The following EHBP1 variants were observed in gnomAD, a reference collection of about 807,000 sequenced individuals.
EHBP1 encodes the protein EH domain-binding protein 1.
EHBP1 carries 55 observed loss-of-function variants against 144.0 expected under a neutral mutation model. That is an observed-to-expected ratio of 0.38 (90% CI 0.31 to 0.48). The LOEUF (loss-of-function observed/expected upper bound fraction) is 0.48, where lower values mean the gene tolerates loss of function less well. Ranked by LOEUF, EHBP1 falls within the 20% of genes least tolerant of loss-of-function variation. The pLI is 0.98. For missense variants in EHBP1, 1,200 were observed against 1,364.2 expected, an observed-to-expected ratio of 0.88 and a Z score of 1.90; for synonymous variants, 469 against 472.7, an observed-to-expected ratio of 0.99 and a Z score of 0.10.
chr2:62,754,966 C>T (rs977064630), intron 3 of EHBP1, among the ~76,000 whole-genome samples: 2 of 152,324 alleles, frequency 1.3e-5, no homozygotes, highest in Non-Finnish European at 2.9e-5. Flanking sequence ...CCTGCTTCGG[C>T]TCATGCTCGA....
intron 3 of EHBP1, among the ~76,000 whole-genome samples, chr2:62,757,189 G>A (rs1052568255): frequency 6.6e-6 from 1 of 152,054 alleles, no homozygotes; most frequent in African/African-American, 2.4e-5. Context: ...GAGTGCAGTG[G>A]TATGATCACA....
At chr2:62,830,881 C>T in intron 6 of EHBP1, 138 bp from the exon 7 acceptor site, 2 of 792,938 alleles carry the variant, frequency 2.5e-6, no homozygotes, top group Non-Finnish European at 3.8e-6. Flanking sequence ...TTAGATTTTT[C>T]AATATTCTTG....
intron 2 of EHBP1, among the ~76,000 whole-genome samples, chr2:62,729,298 T>TTTTATAATATAATATAATA (rs1283481942): frequency 9.8e-5 from 13 of 132,692 alleles, no homozygotes; most frequent in African/African-American, 3.4e-4. Flanking sequence ...ACATATAATA[T>TTTTATAATATAATATAATA]TTTATAATAT....
Position 62,771,326 on chromosome 2 carries a change from G to A in EHBP1, c.259-13G>A. 6.3e-7 allele frequency: 1 copy of A among 1,584,660 alleles called. No homozygotes were observed. Among genetic ancestry groups the A allele is most frequent in the Non-Finnish European group, 8.6e-7 (1 of 1,163,554 alleles). The stretch of plus-strand genomic sequence containing the variant: ...GTATTTCAATTCCATTTCATATTTT[G>A]CTTTTGTTACAGGATCCTCATGCGG... On this transcript the variant is annotated splice_polypyrimidine_tract_variant and intron_variant, in intron 4 of 22. Transcript: ENST00000431489.
At chr2:62,729,330 TATA>T (rs1349777703) in intron 2 of EHBP1, among the ~76,000 whole-genome samples, 18 of 125,254 alleles carry the variant, frequency 1.4e-4, no homozygotes, top group East Asian at 4.1e-4. Flanking sequence ...TATAATATAA[TATA>T]ATATATATAA....
chr2:62,777,655 A>G (rs2042139581), intron 5 of EHBP1, among the ~76,000 whole-genome samples: 1 of 152,296 alleles, frequency 6.6e-6, no homozygotes, highest in Admixed American at 6.5e-5. Context: ...CTTTAAACCA[A>G]TGATAACTTA....
intron 2 of EHBP1, among the ~76,000 whole-genome samples, chr2:62,735,831 A>G (rs927957769): frequency 5.3e-5 from 8 of 152,150 alleles, no homozygotes; most frequent in African/African-American, 4.8e-5. Context: ...TCTCAACACT[A>G]AAGATTTTAC....
At chr2:62,831,824 G>T (rs1210590878) in intron 7 of EHBP1, among the ~76,000 whole-genome samples, 1 of 152,082 alleles carries the variant, frequency 6.6e-6, no homozygotes, top group Non-Finnish European at 1.5e-5. Flanking sequence ...CTGAATTGAT[G>T]TCCCTTCACT....
chr2:62,846,777 A>G (rs1035331350), intron 7 of EHBP1, among the ~76,000 whole-genome samples: 3 of 152,210 alleles, frequency 2.0e-5, no homozygotes, highest in Admixed American at 6.5e-5. Flanking sequence ...TTGACATAAG[A>G]TGTGAAAAAC....
intron 2 of EHBP1, among the ~76,000 whole-genome samples, chr2:62,719,735 A>G (rs1417271075): frequency 6.6e-6 from 1 of 152,230 alleles, no homozygotes; most frequent in East Asian, 1.9e-4. Context: ...TTTACATTGT[A>G]TTAGATATTA....
intron 12 of EHBP1, among the ~76,000 whole-genome samples, chr2:62,947,924 T>C (rs985514341): frequency 6.6e-6 from 1 of 152,236 alleles, no homozygotes; most frequent in African/African-American, 2.4e-5. Flanking sequence ...GAGAGGTTGA[T>C]AGAAATGATA....
intron 10 of EHBP1, among the ~76,000 whole-genome samples, chr2:62,906,008 TA>T (rs57935133): frequency 3.3e-4 from 50 of 151,538 alleles, no homozygotes; most frequent in African/African-American, 8.5e-4. Context: ...ACGTTGTATA[TA>T]AAAAAAAACT....
chr2:63,017,579 G>C (rs1022396076), intron 19 of EHBP1, among the ~76,000 whole-genome samples: 103 of 152,194 alleles, frequency 6.8e-4, no homozygotes, highest in African/African-American at 2.5e-3. Flanking sequence ...CAAGCACTTG[G>C]AGCTCCATAA....
At chr2:62,836,926 TC>T (rs2047310829) in intron 7 of EHBP1, among the ~76,000 whole-genome samples, 1 of 141,972 alleles carries the variant, frequency 7.0e-6, no homozygotes, top group African/African-American at 2.6e-5. Context: ...CAGGATATTA[TC>T]CAGGAGAACT....
chr2:62,846,393 GA>G (rs1159516500), intron 7 of EHBP1, among the ~76,000 whole-genome samples: 1 of 151,992 alleles, frequency 6.6e-6, no homozygotes, highest in East Asian at 1.9e-4. Flanking sequence ...ATTAATAAAG[GA>G]AAAAAATTAT....
At chr2:62,833,228 C>T (rs887392876) in intron 7 of EHBP1, among the ~76,000 whole-genome samples, 2 of 152,184 alleles carry the variant, frequency 1.3e-5, no homozygotes, top group Non-Finnish European at 1.5e-5. Flanking sequence ...AAGTTTGAAG[C>T]TAGCAGAGGT....
intron 5 of EHBP1, among the ~76,000 whole-genome samples, chr2:62,806,039 G>A (rs1454103327): frequency 6.6e-6 from 1 of 151,830 alleles, no homozygotes; most frequent in African/African-American, 2.4e-5. Context: ...GAGTGCAGTG[G>A]TGCAACTGTG....
chr2:62,839,824 CA>C (rs2047646036), intron 7 of EHBP1, among the ~76,000 whole-genome samples: 1 of 152,016 alleles, frequency 6.6e-6, no homozygotes, highest in African/African-American at 2.4e-5. Flanking sequence ...AACCACTGCT[CA>C]AGGAAATAAA....
rs1228658463 is a variant in EHBP1 at position 63,045,345 on chromosome 2, C to CT, written c.3393-64dup. 3 of 1,503,454 alleles carry CT rather than the reference C, an allele frequency of 2.0e-6. No homozygotes were observed. In the African/African-American group the frequency reaches 4.1e-5, roughly 21 times the overall value. 93.1% of individuals were successfully genotyped at this position (1,503,454 alleles called of 1,614,324 possible). A position where few individuals can be genotyped will look rare whatever the true frequency, so the allele number is the denominator to read the frequency against. On this transcript the variant is annotated intron_variant, in intron 22 of 22. Transcript: ENST00000431489. The surrounding 1 kb of genome is among the most constrained non-coding windows in gnomAD (Gnocchi z 5.7). Reference sequence around the variant, plus strand: ...CCAAATACTGGGCGACGGGGGAGTGCTGCTCTGCCCTCCACGAAGAAAAAT... The same window carrying CT: ...CCAAATACTGGGCGACGGGGGAGTGCTTGCTCTGCCCTCCACGAAGAAAAAT...
Sources: gnomAD v4.1 joint callset for allele counts (sites outside exome capture counted in the v4.1 genomes callset) on GRCh38, gnomAD v4.1.1 for gene constraint, Gnocchi (gnomAD v3.1) non-coding constraint, MANE v1.5 for transcripts, NCBI Gene and HGNC (gene_info 2026-07-23, HGNC 2026-07-21) for gene names.